Variants in USP10 observed in about 807,000 individuals in gnomAD.
The protein encoded by USP10 is ubiquitin carboxyl-terminal hydrolase 10.
Under a neutral mutation model 84.5 loss-of-function variants are expected in USP10, and 22 were observed. That is an observed-to-expected ratio of 0.26 (90% CI 0.19 to 0.37). The LOEUF (loss-of-function observed/expected upper bound fraction) is 0.37, where lower values mean the gene tolerates loss of function less well. Among genes scored for constraint, USP10 ranks in the 10% least tolerant of loss-of-function variants. The pLI is 1.00. For missense variants in USP10, 1,019 were observed against 998.9 expected, an observed-to-expected ratio of 1.02 and a Z score of -0.27; for synonymous variants, 454 against 387.6, an observed-to-expected ratio of 1.17 and a Z score of -2.01.
intron 1 of USP10, among the ~76,000 whole-genome samples, chr16:84,719,841 G>T (rs138509207): frequency 6.6e-6 from 1 of 152,226 alleles, no homozygotes; most frequent in Non-Finnish European, 1.5e-5. Flanking sequence ...TAAATCTTTG[G>T]AGGGCATGTT....
chr16:84,722,878 C>T (rs1224429682), intron 1 of USP10, among the ~76,000 whole-genome samples: 1 of 152,132 alleles, frequency 6.6e-6, no homozygotes, highest in Non-Finnish European at 1.5e-5. Context: ...TTTTATAGTA[C>T]ATCAATTTAA....
intron 3 of USP10, 66 bp downstream of exon 3, chr16:84,740,435 C>A: frequency 7.7e-7 from 1 of 1,293,264 alleles, no homozygotes; most frequent in Non-Finnish European, 1.1e-6. Context: ...GGGCAGGCTA[C>A]CTGTAAACAT....
chr16:84,771,399 G>A (rs1914434090), intron 11 of USP10, among the ~76,000 whole-genome samples: 1 of 152,110 alleles, frequency 6.6e-6, no homozygotes, highest in African/African-American at 2.4e-5. Context: ...GGAGGCTGAG[G>A]TGGGAGAATC....
At chr16:84,751,926 A>T (rs186530847) in intron 4 of USP10, among the ~76,000 whole-genome samples, 1 of 152,232 alleles carries the variant, frequency 6.6e-6, no homozygotes, top group African/African-American at 2.4e-5. Flanking sequence ...TTATGATGAC[A>T]TAAAAGTTTA....
Position 84,744,943 on chromosome 16 carries a change from G to A in USP10, c.462G>A (p.Lys154=). 4 of 1,613,818 alleles carry A rather than the reference G, an allele frequency of 2.5e-6. No homozygotes were observed. Among genetic ancestry groups the A allele is most frequent in the Non-Finnish European group, 3.4e-6 (4 of 1,179,724 alleles). The part of the protein sequence containing the change: ...LGQRERKKKK[K]RPPGYYSYLK... The stretch of plus-strand genomic sequence containing the variant: ...AAAGGGAGCGTAAAAAGAAGAAAAA[G>A]CGGCCACCTGGATATTACAGCTATT... Residue 154 remains lysine, a synonymous_variant, in exon 4 of 14, where the codon AAG becomes AAA. Coordinates refer to ENST00000219473, the MANE Select transcript of USP10 (RefSeq NM_005153.3).
intron 1 of USP10, among the ~76,000 whole-genome samples, chr16:84,720,994 A>G (rs59864194): frequency 2.0e-5 from 3 of 150,180 alleles, no homozygotes; most frequent in African/African-American, 4.9e-5. Context: ...GCCGTATTCA[A>G]GCTATTTTCC....
At chr16:84,773,419 G>A (rs1914653914) in intron 12 of USP10, among the ~76,000 whole-genome samples, 2 of 152,038 alleles carry the variant, frequency 1.3e-5, no homozygotes, top group Admixed American at 1.3e-4. Context: ...TCTTCTCTCC[G>A]TCCCCTGGCA....
chr16:84,770,772 C>CAAA (rs1241094273), intron 11 of USP10, among the ~76,000 whole-genome samples: 1 of 31,348 alleles, frequency 3.2e-5, no homozygotes, highest in Non-Finnish European at 8.7e-5. Flanking sequence ...ACTCCGTCCC[C>CAAA]AAAAAAAAAA....
Position 84,779,881 on chromosome 16 carries a change from A to G in USP10, c.*799A>G, listed in dbSNP as rs1227776724. On this transcript the variant is annotated 3_prime_UTR_variant, in exon 14 of 14. Transcript: ENST00000219473. ...ACAGTTTAGTGATATCTAGGAGTAT[A>G]AAGTTGTCGCCCATCAATAAAAATC... 6.6e-6 allele frequency: 1 copy of G among 152,206 alleles called. No individual in the cohort carries two copies. Among genetic ancestry groups the G allele is most frequent in the East Asian group, 1.9e-4 (1 of 5,204 alleles). 9.4% of individuals were successfully genotyped at this position (152,206 alleles called of 1,614,324 possible). A position where few individuals can be genotyped will look rare whatever the true frequency, so the allele number is the denominator to read the frequency against.
In USP10 at chr16:84,745,432, C is replaced by T. The variant is rs768898125; in HGVS notation, c.951C>T (p.Pro317=). 84 of 1,613,678 alleles carry T rather than the reference C, an allele frequency of 5.2e-5. 1 individual carries two copies. The Admixed American group carries it at 1.3e-3, about 24-fold the overall frequency. Residue 317 remains proline (P), a synonymous_variant, in exon 4 of 14, where the codon CCC becomes CCT. Coordinates refer to ENST00000219473, the MANE Select transcript of USP10 (RefSeq NM_005153.3). ...GCATAGACTTGGACCCAACCAAACCCGAGAGTGCATCACCTCCTGCTGACG... is the reference window on the plus strand; with the variant it reads ...GCATAGACTTGGACCCAACCAAACCTGAGAGTGCATCACCTCCTGCTGACG... The part of the protein sequence containing the change: ...TESIDLDPTK[P]ESASPPADGT...
chr16:84,739,737 C>T (rs776186491), intron 2 of USP10, among the ~76,000 whole-genome samples: 2 of 152,216 alleles, frequency 1.3e-5, no homozygotes, highest in Non-Finnish European at 2.9e-5. Context: ...TTTCTGTCTG[C>T]CAAACAAGGA....
chr16:84,773,156 G>A (rs559239284), intron 12 of USP10, among the ~76,000 whole-genome samples: 3 of 152,264 alleles, frequency 2.0e-5, no homozygotes, highest in South Asian at 4.1e-4. Context: ...GTCAGGTCAC[G>A]GGCTCGGCAC....
chr16:84,765,232 C>G (rs529446119), intron 10 of USP10, among the ~76,000 whole-genome samples: 1 of 137,570 alleles, frequency 7.3e-6, no homozygotes, highest in Non-Finnish European at 1.5e-5. Flanking sequence ...AGCAGATAAA[C>G]ATATTCCCCA....
At chr16:84,720,525 G>A (rs1309562141) in intron 1 of USP10, among the ~76,000 whole-genome samples, 2 of 150,546 alleles carry the variant, frequency 1.3e-5, no homozygotes, top group Non-Finnish European at 2.9e-5. Context: ...AGGCTTCAGA[G>A]TGGTGCACAG....
intron 1 of USP10, chr16:84,732,409 A>G: frequency 2.5e-6 from 1 of 395,634 alleles, no homozygotes; most frequent in East Asian, 7.6e-5. Context: ...TCCGTTGTGG[A>G]AATTGCTAAT....
intron 1 of USP10, among the ~76,000 whole-genome samples, chr16:84,719,744 A>C (rs938662329): frequency 3.3e-5 from 5 of 152,236 alleles, no homozygotes; most frequent in African/African-American, 1.2e-4. Context: ...ATTTCAGACC[A>C]TATCCAGGAA....
At chr16:84,762,147 A>G (rs1261165695) in intron 8 of USP10, among the ~76,000 whole-genome samples, 1 of 152,234 alleles carries the variant, frequency 6.6e-6, no homozygotes, top group African/African-American at 2.4e-5. Context: ...TCTGTGAATG[A>G]TTTTGCTGAT....
rs73245662 is a variant in USP10, at chr16:84,768,500, A to G, written c.1998+142A>G. On this transcript the variant is annotated intron_variant, in intron 11 of 13. Transcript: ENST00000219473. Reference sequence around the variant, plus strand: ...TAACCATTTTGTACTGAAAGTTTTTATGGTTTTACAATGAAATGGTTGAAA... The same window carrying G: ...TAACCATTTTGTACTGAAAGTTTTTGTGGTTTTACAATGAAATGGTTGAAA... 5.1e-4 allele frequency: 406 copies of G among 798,386 alleles called. 1 individual carries two copies. In the African/African-American group the frequency reaches 6.5e-3, roughly 13 times the overall value. 49.5% of individuals were successfully genotyped at this position (798,386 alleles called of 1,614,324 possible). A position where few individuals can be genotyped will look rare whatever the true frequency, so the allele number is the denominator to read the frequency against.
chr16:84,721,580 T>G (rs924097875), intron 1 of USP10, among the ~76,000 whole-genome samples: 9 of 152,242 alleles, frequency 5.9e-5, no homozygotes, highest in African/African-American at 1.9e-4. Flanking sequence ...CAGGCTGGAG[T>G]GCAGTGGTGT....
Sources: allele counts gnomAD v4.1 joint callset (sites outside exome capture counted in the v4.1 genomes callset), GRCh38; gene constraint gnomAD v4.1.1; transcripts MANE v1.5; gene names NCBI Gene and HGNC (gene_info 2026-07-23, HGNC 2026-07-21).